Variants in ENPEP observed in about 807,000 individuals in gnomAD.
The protein encoded by ENPEP is AP-A.
ENPEP carries 103 observed loss-of-function variants against 114.5 expected under a neutral mutation model. The observed-to-expected ratio is 0.90, with a 90% CI of 0.77 to 1.06. The LOEUF (loss-of-function observed/expected upper bound fraction) is 1.06. Ranked by LOEUF, ENPEP falls within the 50% of genes least tolerant of loss-of-function variation. The pLI is 0.00. For missense variants in ENPEP, 1,196 were observed against 1,161.3 expected (o/e 1.03, Z -0.43); for synonymous variants, 420 against 422.0 (o/e 1.00, Z 0.06).
intron 11 of ENPEP, among the ~76,000 whole-genome samples, chr4:110,536,710 A>T (rs1240505399): frequency 6.6e-6 from 1 of 152,168 alleles, no homozygotes; most frequent in Non-Finnish European, 1.5e-5. Context: ...ACATTGACAG[A>T]TCTTCACTAC....
At chr4:110,488,798 T>C (rs1578391565) in intron 2 of ENPEP, 116 bp downstream of exon 2, 1 of 1,309,718 alleles carries the variant, frequency 7.6e-7, no homozygotes, top group East Asian at 2.4e-5. Flanking sequence ...TGTGCACTAA[T>C]AGTTTATTTA....
chr4:110,490,742 T>C (rs1190611785), intron 2 of ENPEP, among the ~76,000 whole-genome samples: 1 of 152,230 alleles, frequency 6.6e-6, no homozygotes, highest in Middle Eastern at 3.2e-3. Context: ...GTCAGCATGA[T>C]GTGTTTAGTG....
intron 18 of ENPEP, 29 bp downstream of exon 18, chr4:110,553,484 T>G (rs777273245): frequency 2.7e-5 from 43 of 1,594,630 alleles, no homozygotes; most frequent in Non-Finnish European, 1.2e-5. Context: ...GGTCTGCTGT[T>G]TTCTTTGTTT....
At chr4:110,510,471 GGGAATTCCACTGTGA>G in intron 6 of ENPEP, 113 bp downstream of exon 6, 1 of 879,206 alleles carries the variant, frequency 1.1e-6, no homozygotes, top group Non-Finnish European at 1.8e-6. Context: ...GTGGTGAGCG[GGGAATTCCACTGTGA>G]GGATAGGGTG....
In ENPEP at chr4:110,488,583, A is replaced by C. The variant is rs746351867; in HGVS notation, c.687A>C (p.Lys229Asn). Residue 229 changes from lysine to asparagine, a missense_variant, in exon 2 of 20, where the codon AAA becomes AAC. Physicochemically the swap from Lys to Asn is moderately conservative, Grantham distance 94. Transcript: ENST00000265162. ...ATCATGAACCAACAGATGCCAGGAA[A>C]TCTTTTCCTTGTTTTGATGAGCCCA... Reference protein sequence around the residue: ...ATDHEPTDARKSFPCFDEPNK... With the variant: ...ATDHEPTDARNSFPCFDEPNK... The C allele has an allele frequency of 9.3e-6, 15 of 1,613,798 alleles. No homozygotes were observed. In the South Asian group the frequency reaches 1.6e-4, roughly 18 times the overall value.
chr4:110,505,544 A>T (rs1279335854), intron 3 of ENPEP, among the ~76,000 whole-genome samples: 1 of 152,222 alleles, frequency 6.6e-6, no homozygotes, highest in African/African-American at 2.4e-5. Flanking sequence ...GTGGTTCAAG[A>T]TGTGTGCCTA....
intron 7 of ENPEP, among the ~76,000 whole-genome samples, 189 bp from the exon 8 acceptor site, chr4:110,515,188 A>G (rs1043575192): frequency 2.0e-5 from 3 of 152,218 alleles, no homozygotes; most frequent in Non-Finnish European, 2.9e-5. Context: ...TTTTAGATGC[A>G]TAGATACAGG....
intron 8 of ENPEP, among the ~76,000 whole-genome samples, chr4:110,518,759 C>T (rs2110361746): frequency 6.6e-6 from 1 of 152,246 alleles, no homozygotes; most frequent in South Asian, 2.1e-4. Flanking sequence ...TTTCCTTCAC[C>T]TCAAAATGTG....
chr4:110,554,453 C>T (rs1454161516), intron 18 of ENPEP, among the ~76,000 whole-genome samples: 1 of 151,958 alleles, frequency 6.6e-6, no homozygotes, highest in Non-Finnish European at 1.5e-5. Flanking sequence ...CTTCTGCCTG[C>T]TTGTGATAAA....
chr4:110,548,139 G>GTTTTTTTTTT lies in ENPEP; in HGVS notation c.2001-21_2001-12dup, dbSNP rs3042468. 5.4e-4 allele frequency: 372 copies of GTTTTTTTTTT among 692,022 alleles called. 6 individuals carry two copies. Among genetic ancestry groups the GTTTTTTTTTT allele is most frequent in the Middle Eastern group, 1.0e-3 (3 of 2,860 alleles). The allele number at this position is 692,022 out of a possible 1,614,324, so 42.9% of individuals were successfully genotyped here. A position where few individuals can be genotyped will look rare whatever the true frequency, so the allele number is the denominator to read the frequency against. ...GTCTGTGGTTTTTAATTAACTGTGA[G>GTTTTTTTTTT]TTTTTTTTTTTTTTTTTTTTTTTTT... On this transcript the variant is annotated intron_variant, in intron 13 of 19. Coordinates refer to ENST00000265162, the MANE Select transcript of ENPEP (RefSeq NM_001977.4).
At chr4:110,498,744 C>A (rs1409586871) in intron 3 of ENPEP, among the ~76,000 whole-genome samples, 3 of 152,282 alleles carry the variant, frequency 2.0e-5, no homozygotes, top group East Asian at 3.9e-4. Context: ...TAAGCTGATT[C>A]TTTTCTGTTC....
intron 4 of ENPEP, among the ~76,000 whole-genome samples, chr4:110,506,992 A>G (rs1725396912): frequency 1.3e-5 from 2 of 152,222 alleles, no homozygotes; most frequent in Non-Finnish European, 2.9e-5. Context: ...TGATGAATAT[A>G]TAATCTTGTG....
At chr4:110,492,485 C>T (rs1352449663) in intron 3 of ENPEP, among the ~76,000 whole-genome samples, 2 of 152,146 alleles carry the variant, frequency 1.3e-5, no homozygotes, top group Non-Finnish European at 2.9e-5. Flanking sequence ...ATTCAGATGT[C>T]CTCAACCTGG....
rs1350182491 is a variant in ENPEP, at chr4:110,490,948, G to T, written c.787-85G>T. 7 of 1,432,778 alleles carry T rather than the reference G, an allele frequency of 4.9e-6. No homozygotes were observed. In the East Asian group the frequency reaches 1.2e-4, roughly 25 times the overall value. 88.8% of individuals were successfully genotyped at this position (1,432,778 alleles called of 1,614,324 possible). On this transcript the variant is annotated intron_variant, in intron 2 of 19. Transcript: ENST00000265162. ...AAAGGACTTCTGGCTAGAAAGCAAG[G>T]TTTGGGGCAACCGTTTATTTGTTTG...
chr4:110,479,129 G>T (rs1047932035), intron 1 of ENPEP, among the ~76,000 whole-genome samples: 16 of 152,252 alleles, frequency 1.1e-4, no homozygotes, highest in Middle Eastern at 3.4e-3. Flanking sequence ...GACTCTTTTA[G>T]TACTTTTCTG....
At position 110,511,216 on chromosome 4, in the gene ENPEP, G is replaced by A. The variant is rs940743110; in HGVS notation, c.1308+858G>A. 3.9e-5 allele frequency among the ~76,000 whole-genome samples: 6 copies of A among 152,252 alleles called. No individual in the cohort carries two copies. In the South Asian group the frequency reaches 1.0e-3, roughly 26 times the overall value. On this transcript the variant is annotated intron_variant, in intron 6 of 19. Transcript: ENST00000265162. ...GTTTCTGTAGCCTGCTTTACAAAGCGAAAAGCCTAATTTACAACAATTACT... is the reference window on the plus strand; with the variant it reads ...GTTTCTGTAGCCTGCTTTACAAAGCAAAAAGCCTAATTTACAACAATTACT...
Position 110,509,717 on chromosome 4 carries a change from A to G in ENPEP, c.1104A>G (p.Arg368=). Residue 368 remains arginine (R), a synonymous_variant, in exon 5 of 20, where the codon AGA becomes AGG. Transcript: ENST00000265162. ...AGAACTGGGGACTCATCACGTACAG[A>G]GAAACGAACCTGCTTTATGACCCTA... The part of the protein sequence containing the change: ...AMENWGLITY[R]ETNLLYDPKE... 1 of 1,614,228 alleles carries G rather than the reference A, an allele frequency of 6.2e-7. No individual in the cohort carries two copies. The highest frequency in any genetic ancestry group is 8.5e-7 in the Non-Finnish European group (1 of 1,180,030).
chr4:110,520,043 A>C lies in ENPEP; in HGVS notation c.1545A>C (p.Lys515Asn). 6.2e-7 allele frequency: 1 copy of C among 1,614,024 alleles called. No homozygotes were observed. The highest frequency in any genetic ancestry group is 2.2e-5 in the East Asian group (1 of 44,860). The change falls in exon 9 of 20, where the codon AAA (lysine) becomes AAC (asparagine). Residue 515 changes from lysine to asparagine, a missense_variant. Transcript: ENST00000265162. ...YLEKYQFKNA[K>N]TSDFWAALEE... Reference sequence around the variant, plus strand: ...AAAAATACCAATTCAAGAATGCAAAAACTTCTGATTTTTGGGCAGCACTGG... The same window carrying C: ...AAAAATACCAATTCAAGAATGCAAACACTTCTGATTTTTGGGCAGCACTGG...
chr4:110,496,547 T>C (rs1724945435), intron 3 of ENPEP, among the ~76,000 whole-genome samples: 1 of 152,250 alleles, frequency 6.6e-6, no homozygotes, highest in Non-Finnish European at 1.5e-5. Flanking sequence ...TTTTCACTAA[T>C]GTGCCTTTTC....
Sources: allele counts gnomAD v4.1 joint callset (sites outside exome capture counted in the v4.1 genomes callset), GRCh38; gene constraint gnomAD v4.1.1; transcripts MANE v1.5; gene names NCBI Gene and HGNC (gene_info 2026-07-23, HGNC 2026-07-21).